Variants in KCNB2 observed in about 807,000 individuals in gnomAD.
KCNB2 encodes the protein delayed rectifier potassium channel protein.
Under a neutral mutation model 61.5 loss-of-function variants are expected in KCNB2, and 15 were observed. The observed-to-expected ratio is 0.24, with a 90% confidence interval of 0.16 to 0.38. The LOEUF (loss-of-function observed/expected upper bound fraction) is 0.38, where lower values mean the gene tolerates loss of function less well. Ranked by LOEUF, KCNB2 falls within the 10% of genes least tolerant of loss-of-function variation. The pLI, the probability that KCNB2 is intolerant of heterozygous loss-of-function variation, is 1.00. For synonymous variants in KCNB2, 457 were observed against 446.0 expected, an observed-to-expected ratio of 1.02 and a Z score of -0.31; for missense variants, 828 against 1,125.2, an observed-to-expected ratio of 0.74 and a Z score of 3.78.
At chr8:72,757,626 TTTTA>T (rs1209891484) in intron 2 of KCNB2, among the ~76,000 whole-genome samples, 1 of 152,072 alleles carries the variant, frequency 6.6e-6, no homozygotes, top group Admixed American at 6.5e-5. Context: ...GACCCCTTTG[TTTTA>T]TTTATTTTAT....
intron 2 of KCNB2, among the ~76,000 whole-genome samples, chr8:72,826,837 T>TTGC (rs1809603706): frequency 6.6e-6 from 1 of 152,238 alleles, no homozygotes; most frequent in Admixed American, 6.5e-5. Flanking sequence ...TCCAAATATG[T>TTGC]TGCTGTCTAT....
At chr8:72,620,155 A>G (rs967257552) in intron 2 of KCNB2, among the ~76,000 whole-genome samples, 7 of 152,228 alleles carry the variant, frequency 4.6e-5, no homozygotes, top group African/African-American at 1.7e-4. Flanking sequence ...AAGTTAGTCT[A>G]TTTCCATCAC....
chr8:72,763,417 T>G (rs973483630), intron 2 of KCNB2, among the ~76,000 whole-genome samples: 4 of 152,142 alleles, frequency 2.6e-5, no homozygotes, highest in African/African-American at 9.7e-5. Context: ...GGCTACATGT[T>G]GACAGATATG....
chr8:72,655,660 T>C (rs1806279230), intron 2 of KCNB2, among the ~76,000 whole-genome samples: 2 of 152,160 alleles, frequency 1.3e-5, no homozygotes, highest in East Asian at 1.9e-4. Flanking sequence ...ACAACAAATA[T>C]AGTTTTGACC....
At chr8:72,885,468 TCAG>T (rs1476508148) in intron 2 of KCNB2, among the ~76,000 whole-genome samples, 1 of 152,172 alleles carries the variant, frequency 6.6e-6, no homozygotes, top group Non-Finnish European at 1.5e-5. Flanking sequence ...GATTACTGAT[TCAG>T]TTTATTTAAT....
At chr8:72,899,243 C>T (rs905349330) in intron 2 of KCNB2, among the ~76,000 whole-genome samples, 4 of 152,248 alleles carry the variant, frequency 2.6e-5, no homozygotes, top group Admixed American at 2.6e-4. Flanking sequence ...GAATATACTT[C>T]AAAATAATAA....
intron 2 of KCNB2, among the ~76,000 whole-genome samples, chr8:72,667,092 T>C (rs1430640544): frequency 6.6e-6 from 1 of 152,126 alleles, no homozygotes. Flanking sequence ...GGGCAAGTTA[T>C]GTAAATTCTC....
Position 72,762,870 on chromosome 8 carries a change from A to G in KCNB2, c.580-173065A>G, listed in dbSNP as rs1808404105. On this transcript the variant is annotated intron_variant, in intron 2 of 2. Coordinates refer to ENST00000523207, the MANE Select transcript of KCNB2 (RefSeq NM_004770.3). Reference sequence around the variant, plus strand: ...AAAAACAGAACAAAGCAAAAAGTAAATCATATTAACAAATATATATATATA... The same window carrying G: ...AAAAACAGAACAAAGCAAAAAGTAAGTCATATTAACAAATATATATATATA... Among the ~76,000 whole-genome samples, 12 of 126,212 alleles carry G rather than the reference A, an allele frequency of 9.5e-5. 1 individual carries two copies. The Admixed American group carries it at 1.0e-3, about 11-fold the overall frequency. The allele number at this position is 126,212 out of a possible 152,430, so 82.8% of individuals were successfully genotyped here. A position where few individuals can be genotyped will look rare whatever the true frequency, so the allele number is the denominator to read the frequency against.
chr8:72,614,542 C>T (rs1340976702), intron 2 of KCNB2, among the ~76,000 whole-genome samples: 1 of 152,196 alleles, frequency 6.6e-6, no homozygotes, highest in Non-Finnish European at 1.5e-5. Flanking sequence ...GGATTGAGCG[C>T]AGCAGCATAG....
At chr8:72,673,936 A>G (rs1404271922) in intron 2 of KCNB2, among the ~76,000 whole-genome samples, 1 of 152,214 alleles carries the variant, frequency 6.6e-6, no homozygotes, top group Non-Finnish European at 1.5e-5. Flanking sequence ...AATTATTTAA[A>G]TGGTGATTTT....
chr8:72,672,247 G>T (rs547474401), intron 2 of KCNB2, among the ~76,000 whole-genome samples: 22 of 152,264 alleles, frequency 1.4e-4, no homozygotes, highest in African/African-American at 3.9e-4. Flanking sequence ...TAGGTTAAAT[G>T]AATTAGAACA....
At chr8:72,862,703 C>T (rs1029569822) in intron 2 of KCNB2, among the ~76,000 whole-genome samples, 3 of 152,182 alleles carry the variant, frequency 2.0e-5, no homozygotes, top group African/African-American at 7.2e-5. Flanking sequence ...ACTATCATTA[C>T]TCAGGTCTCC....
At chr8:72,702,030 C>G (rs1225910887) in intron 2 of KCNB2, among the ~76,000 whole-genome samples, 1 of 152,086 alleles carries the variant, frequency 6.6e-6, no homozygotes. Flanking sequence ...TCTAAGTTAT[C>G]TACAATGATT....
intron 2 of KCNB2, among the ~76,000 whole-genome samples, chr8:72,785,609 A>T (rs887782599): frequency 2.6e-5 from 4 of 151,530 alleles, no homozygotes; most frequent in African/African-American, 9.7e-5. Context: ...TTAATCAGGG[A>T]TTTTTTTTTG....
intron 2 of KCNB2, among the ~76,000 whole-genome samples, chr8:72,737,451 A>G (rs1807866227): frequency 6.6e-6 from 1 of 152,226 alleles, no homozygotes; most frequent in African/African-American, 2.4e-5. Context: ...AGCAGTGTTC[A>G]TTAATGCAAA....
Position 72,734,387 on chromosome 8 carries a change from C to A in KCNB2, c.579+166074C>A, listed in dbSNP as rs192420741. On this transcript the variant is annotated intron_variant, in intron 2 of 2. Transcript: ENST00000523207. ...CACTCAGACTGGTTCACTTAGAATC[C>A]CCTAGTTCTTTCCAAAGAGCATGTA... Among the ~76,000 whole-genome samples the A allele has an allele frequency of 3.5e-3, 536 of 152,228 alleles. 4 individuals are homozygous for A. The highest frequency in any genetic ancestry group is 0.012 in the African/African-American group (496 of 41,514).
chr8:72,936,908 A>C lies in KCNB2; in HGVS notation c.1553A>C (p.Lys518Thr), dbSNP rs749706788. The change falls in exon 3 of 3, where the codon AAA (lysine) becomes ACA (threonine). Residue 518 changes from lysine (K) to threonine (T), a missense_variant. Lys to Thr is a moderately conservative substitution (Grantham distance 78, BLOSUM62 -1). Transcript: ENST00000523207. This position sits in a 1 kb window ranked among gnomAD's most constrained non-coding sequence, Gnocchi z 5.6. The stretch of plus-strand genomic sequence containing the variant: ...AATAAGTACCAGGAGGTTAGCCAAA[A>C]AGACTCCCACGAGCAGCTGAACAAC... Reference protein sequence around the residue: ...FENKYQEVSQKDSHEQLNNTS... With the variant: ...FENKYQEVSQTDSHEQLNNTS... 27 of 1,613,996 alleles carry C rather than the reference A, an allele frequency of 1.7e-5. No homozygotes were observed. Among genetic ancestry groups the C allele is most frequent in the Non-Finnish European group, 2.3e-5 (27 of 1,180,018 alleles).
intron 2 of KCNB2, among the ~76,000 whole-genome samples, chr8:72,573,777 C>T (rs567652785): frequency 1.3e-5 from 2 of 152,180 alleles, no homozygotes; most frequent in South Asian, 4.2e-4. Context: ...CCTCTGTGTA[C>T]CGTGCAGTGC....
At chr8:72,927,182 G>T (rs137894203) in intron 2 of KCNB2, among the ~76,000 whole-genome samples, 2 of 152,068 alleles carry the variant, frequency 1.3e-5, no homozygotes, top group African/African-American at 4.8e-5. Context: ...AAGGAAGCGC[G>T]TCAAACTCTT....
Sources: gnomAD v4.1 joint callset for allele counts (sites outside exome capture counted in the v4.1 genomes callset) on GRCh38, gnomAD v4.1.1 for gene constraint, Gnocchi (gnomAD v3.1) non-coding constraint, MANE v1.5 for transcripts, NCBI Gene and HGNC (gene_info 2026-07-23, HGNC 2026-07-21) for gene names.